Variants in CAMTA1 observed in about 807,000 individuals in gnomAD.
CAMTA1 encodes calmodulin-binding transcription activator 1.
In CAMTA1, 27 loss-of-function variants were observed where a neutral mutation model predicts 170.9. The observed-to-expected ratio is 0.16, with a 90% confidence interval of 0.12 to 0.22. The LOEUF (loss-of-function observed/expected upper bound fraction) is 0.22, where lower values mean the gene tolerates loss of function less well. Among genes scored for constraint, CAMTA1 ranks in the 10% least tolerant of loss-of-function variants. The probability of loss-of-function intolerance (pLI) is 1.00; values close to 1 mark genes in which losing one functional copy is unlikely to be tolerated. For missense variants in CAMTA1, 1,619 were observed against 2,217.2 expected, an observed-to-expected ratio of 0.73 and a Z score of 5.42; for synonymous variants, 833 against 891.5, an observed-to-expected ratio of 0.93 and a Z score of 1.17.
chr1:7,507,885 C>T lies in CAMTA1; in HGVS notation c.510+39984C>T, dbSNP rs1400143874. On this transcript the variant is annotated intron_variant, in intron 6 of 22. Coordinates refer to ENST00000303635, the MANE Select transcript of CAMTA1 (RefSeq NM_015215.4). ...CCCAGCTGGGCACTCGGTGGCCTCCCTGCCTGGCACACCGCAGCTCTCCAG... is the reference window on the plus strand; with the variant it reads ...CCCAGCTGGGCACTCGGTGGCCTCCTTGCCTGGCACACCGCAGCTCTCCAG... 5.9e-5 allele frequency among the ~76,000 whole-genome samples: 9 copies of T among 152,360 alleles called. 1 individual carries two copies. In the East Asian group the frequency reaches 9.7e-4, roughly 16 times the overall value.
intron 8 of CAMTA1, among the ~76,000 whole-genome samples, 176 bp downstream of exon 8, chr1:7,662,042 C>T (rs1371829305): frequency 6.6e-6 from 1 of 152,228 alleles, no homozygotes; most frequent in African/African-American, 2.4e-5. Context: ...GGCCTTCCGC[C>T]TCGTCCTGCC....
chr1:7,197,665 C>CACACAA (rs1655801231), intron 4 of CAMTA1, among the ~76,000 whole-genome samples: 1 of 142,844 alleles, frequency 7.0e-6, no homozygotes, highest in Non-Finnish European at 1.5e-5. Context: ...CACACACACA[C>CACACAA]ACACACACAC....
At chr1:7,001,020 C>T (rs911956457) in intron 3 of CAMTA1, among the ~76,000 whole-genome samples, 1 of 152,182 alleles carries the variant, frequency 6.6e-6, no homozygotes, top group Non-Finnish European at 1.5e-5. Context: ...TTGTCACTTA[C>T]ATATTTATAA....
intron 3 of CAMTA1, among the ~76,000 whole-genome samples, chr1:6,984,813 C>T (rs1479295803): frequency 6.6e-6 from 1 of 152,172 alleles, no homozygotes; most frequent in Non-Finnish European, 1.5e-5. Context: ...AGTTCAGACG[C>T]GTCAGGTCAG....
At chr1:7,271,234 A>T (rs1419334905) in intron 5 of CAMTA1, among the ~76,000 whole-genome samples, 2 of 152,152 alleles carry the variant, frequency 1.3e-5, no homozygotes, top group Non-Finnish European at 2.9e-5. Flanking sequence ...CAGACCGAGG[A>T]AAGAGGAAAG....
intron 6 of CAMTA1, among the ~76,000 whole-genome samples, chr1:7,475,346 GA>G (rs911954923): frequency 2.6e-5 from 4 of 152,144 alleles, no homozygotes; most frequent in African/African-American, 9.7e-5. Context: ...TGGCGGGGGG[GA>G]TTAGAGCAAC....
chr1:7,447,362 C>T (rs560261417), intron 5 of CAMTA1, among the ~76,000 whole-genome samples: 2 of 128,938 alleles, frequency 1.6e-5, no homozygotes, highest in African/African-American at 2.9e-5. Context: ...GGGAGGGAAG[C>T]GGAGTGAAGT....
intron 5 of CAMTA1, among the ~76,000 whole-genome samples, chr1:7,395,842 A>C (rs1288097138): frequency 6.6e-6 from 1 of 152,008 alleles, no homozygotes; most frequent in Non-Finnish European, 1.5e-5. Flanking sequence ...AGCTATGGTA[A>C]ATGGGGTTGT....
At chr1:7,573,782 T>G (rs2150349716) in intron 6 of CAMTA1, among the ~76,000 whole-genome samples, 1 of 152,268 alleles carries the variant, frequency 6.6e-6, no homozygotes, top group South Asian at 2.1e-4. Context: ...GGGTTTGTTC[T>G]TGTTGTTTTG....
chr1:7,434,770 G>T (rs1264435319), intron 5 of CAMTA1, among the ~76,000 whole-genome samples: 1 of 151,932 alleles, frequency 6.6e-6, no homozygotes, highest in African/African-American at 2.4e-5. Context: ...GCCGGGCATG[G>T]TGGCTCACGC....
chr1:6,902,295 T>C (rs1677286927), intron 3 of CAMTA1, among the ~76,000 whole-genome samples: 1 of 152,178 alleles, frequency 6.6e-6, no homozygotes, highest in Non-Finnish European at 1.5e-5. Flanking sequence ...ACAGCAGCAT[T>C]ACTCATGATG....
intron 3 of CAMTA1, among the ~76,000 whole-genome samples, chr1:6,877,644 A>G (rs912352487): frequency 7.9e-5 from 12 of 152,164 alleles, no homozygotes; most frequent in African/African-American, 2.9e-4. Flanking sequence ...CTTTCCGCAC[A>G]CATCTTCAGG....
At chr1:7,611,236 G>A (rs1350524877) in intron 6 of CAMTA1, among the ~76,000 whole-genome samples, 9 of 152,176 alleles carry the variant, frequency 5.9e-5, no homozygotes, top group Admixed American at 5.9e-4. Flanking sequence ...CTGAGTCTGT[G>A]TTTATTTATC....
At chr1:7,572,457 G>A (rs1349073399) in intron 6 of CAMTA1, among the ~76,000 whole-genome samples, 1 of 152,084 alleles carries the variant, frequency 6.6e-6, no homozygotes, top group Non-Finnish European at 1.5e-5. Flanking sequence ...ATCTTCCAGG[G>A]TTTTTATGGT....
chr1:6,842,856 G>A (rs1279139370), intron 3 of CAMTA1, among the ~76,000 whole-genome samples: 1 of 152,034 alleles, frequency 6.6e-6, no homozygotes, highest in Admixed American at 6.6e-5. Flanking sequence ...CCCGGGAGGT[G>A]GAGGTTGCAG....
At chr1:6,981,372 A>C (rs899417917) in intron 3 of CAMTA1, among the ~76,000 whole-genome samples, 1 of 152,172 alleles carries the variant, frequency 6.6e-6, no homozygotes, top group Non-Finnish European at 1.5e-5. Flanking sequence ...ATTTTTACTT[A>C]TGTATTTTTA....
At chr1:7,081,431 C>T (rs1353558747) in intron 3 of CAMTA1, among the ~76,000 whole-genome samples, 1 of 152,212 alleles carries the variant, frequency 6.6e-6, no homozygotes, top group Non-Finnish European at 1.5e-5. Flanking sequence ...AAACTGACGA[C>T]TGGAACAATA....
chr1:6,943,862 A>AG (rs1466223764), intron 3 of CAMTA1, among the ~76,000 whole-genome samples: 1 of 103,654 alleles, frequency 9.6e-6, no homozygotes, highest in Non-Finnish European at 2.3e-5. Flanking sequence ...AAAAAAAAAA[A>AG]AAAAAAGAAA....
intron 1 of CAMTA1, among the ~76,000 whole-genome samples, chr1:6,816,868 G>T (rs1645888316): frequency 1.3e-5 from 2 of 152,252 alleles, no homozygotes; most frequent in South Asian, 4.1e-4. Flanking sequence ...TTGGCACAGG[G>T]GTATCTAGTA....
Sources: gnomAD v4.1 joint callset for allele counts (sites outside exome capture counted in the v4.1 genomes callset) on GRCh38, gnomAD v4.1.1 for gene constraint, MANE v1.5 for transcripts, NCBI Gene and HGNC (gene_info 2026-07-23, HGNC 2026-07-21) for gene names.